KIF13A: variants seen among roughly 807,000 people sequenced by gnomAD.
The protein encoded by KIF13A is kinesin family member 13A.
In KIF13A, 79 loss-of-function variants were observed where a neutral mutation model predicts 212.2. The ratio of observed to expected loss-of-function variants is 0.37; its 90% confidence interval spans 0.31 to 0.45. The LOEUF (loss-of-function observed/expected upper bound fraction) is 0.45, where lower values mean the gene tolerates loss of function less well. Ranked by LOEUF, KIF13A falls within the 20% of genes least tolerant of loss-of-function variation. KIF13A has a pLI of 1.00. For missense variants in KIF13A, 1,901 were observed against 2,209.0 expected, an observed-to-expected ratio of 0.86 and a Z score of 2.79; for synonymous variants, 789 against 808.6, an observed-to-expected ratio of 0.98 and a Z score of 0.41.
intron 3 of KIF13A, among the ~76,000 whole-genome samples, chr6:17,893,895 A>G (rs577322238): frequency 7.8e-6 from 1 of 129,030 alleles, no homozygotes; most frequent in South Asian, 2.4e-4. Context: ...GCTGGAGTGC[A>G]GTGGCGCAAT....
At chr6:17,972,514 T>C (rs1358405785) in intron 2 of KIF13A, among the ~76,000 whole-genome samples, 3 of 152,222 alleles carry the variant, frequency 2.0e-5, no homozygotes, top group Non-Finnish European at 4.4e-5. Context: ...TATTAAACCC[T>C]AGAACAGAAT....
At position 17,786,999 on chromosome 6, in the gene KIF13A, A is replaced by G. The variant is rs1338713720; in HGVS notation, c.3361+777T>C. Among the ~76,000 whole-genome samples the G allele has an allele frequency of 6.6e-6, 1 of 152,172 alleles. No individual in the cohort carries two copies. Among genetic ancestry groups the G allele is most frequent in the Non-Finnish European group, 1.5e-5 (1 of 68,018 alleles). On this transcript the variant is annotated intron_variant, in intron 27 of 38. Coordinates refer to ENST00000259711, the MANE Select transcript of KIF13A (RefSeq NM_022113.6). The surrounding 1 kb of genome is among the most constrained non-coding windows in gnomAD (Gnocchi z 5.4). Reference sequence around the variant, plus strand: ...CAAGTGGCCACTGCTAGCATAAGCAAACTGCACCCTTGGAGCTGAGTGGCA... The same window carrying G: ...CAAGTGGCCACTGCTAGCATAAGCAGACTGCACCCTTGGAGCTGAGTGGCA...
intron 2 of KIF13A, among the ~76,000 whole-genome samples, chr6:17,913,109 A>T (rs1774213338): frequency 6.6e-6 from 1 of 151,528 alleles, no homozygotes; most frequent in African/African-American, 2.4e-5. Flanking sequence ...ATATATATAT[A>T]TTTATATATT....
In KIF13A at chr6:17,815,326, G is replaced by A. The variant is rs370761574; in HGVS notation, c.2000+1694C>T. ...GACAGGCCTCTGGATGGCTGCGGGC[G>A]GGCCTGACTCATGTCAGGCCTTCCA... On this transcript the variant is annotated intron_variant, in intron 17 of 38. Coordinates refer to ENST00000259711, the MANE Select transcript of KIF13A (RefSeq NM_022113.6). Among the ~76,000 whole-genome samples, 127 of 152,280 alleles carry A rather than the reference G, an allele frequency of 8.3e-4. 1 individual carries two copies. In the East Asian group the frequency reaches 0.021, roughly 25 times the overall value.
At chr6:17,804,586 G>A in intron 19 of KIF13A, 76 bp from the exon 20 acceptor site, 1 of 1,284,412 alleles carries the variant, frequency 7.8e-7, no homozygotes, top group Non-Finnish European at 1.0e-6. Flanking sequence ...TTTAAAACTA[G>A]CATTTGAAAA....
At chr6:17,913,271 T>TTCTA (rs1774230415) in intron 2 of KIF13A, among the ~76,000 whole-genome samples, 1 of 152,132 alleles carries the variant, frequency 6.6e-6, no homozygotes, top group Non-Finnish European at 1.5e-5. Flanking sequence ...TTCTGAAACA[T>TTCTA]TCTATGGGTT....
chr6:17,920,873 CAAAAAA>C (rs10707103), intron 2 of KIF13A, among the ~76,000 whole-genome samples: 1 of 135,114 alleles, frequency 7.4e-6, no homozygotes. Context: ...GACTATGTCT[CAAAAAA>C]AAAAAAAAAA....
chr6:17,957,193 T>C (rs550103135), intron 2 of KIF13A, among the ~76,000 whole-genome samples: 7 of 152,302 alleles, frequency 4.6e-5, no homozygotes, highest in African/African-American at 1.7e-4. Flanking sequence ...CACTTTTTTA[T>C]GCCATCCATA....
chr6:17,789,780 C>A lies in KIF13A; in HGVS notation c.3261+92G>T. 2.0e-6 allele frequency: 2 copies of A among 982,460 alleles called. No homozygotes were observed. The highest frequency in any genetic ancestry group is 3.1e-6 in the Non-Finnish European group (2 of 635,890). The allele number at this position is 982,460 out of a possible 1,614,324, so 60.9% of individuals were successfully genotyped here. On this transcript the variant is annotated intron_variant, in intron 26 of 38. Coordinates refer to ENST00000259711, the MANE Select transcript of KIF13A (RefSeq NM_022113.6). This position sits in a 1 kb window ranked among gnomAD's most constrained non-coding sequence, Gnocchi z 4.8. The stretch of plus-strand genomic sequence containing the variant: ...AAACTGCATATTCTCGCTCTAGGGC[C>A]CTCCTTCCTCCTCCCTGGCCTCTGC...
chr6:17,902,810 T>C (rs1415352766), intron 2 of KIF13A, among the ~76,000 whole-genome samples: 2 of 152,236 alleles, frequency 1.3e-5, no homozygotes, highest in Admixed American at 6.5e-5. Context: ...ATCTTTAAGA[T>C]GTAAACCCCT....
rs1281314343 is a variant in KIF13A, at chr6:17,769,435, G to C, written c.4581+1679C>G. Among the ~76,000 whole-genome samples the C allele has an allele frequency of 6.6e-6, 1 of 152,130 alleles. No homozygotes were observed. Among genetic ancestry groups the C allele is most frequent in the Non-Finnish European group, 1.5e-5 (1 of 68,034 alleles). ...CTTACTGTACTCCATGGTGCATTCA[G>C]TCACAGAGTCTAACTGCTGCTTGAG... On this transcript the variant is annotated intron_variant, in intron 38 of 38. Coordinates refer to ENST00000259711, the MANE Select transcript of KIF13A (RefSeq NM_022113.6). This position sits in a 1 kb window ranked among gnomAD's most constrained non-coding sequence, Gnocchi z 5.8.
At position 17,764,575 on chromosome 6, in the gene KIF13A, C is replaced by T. The variant is rs1398167471; in HGVS notation, c.4953G>A (p.Glu1651=). ...VHDFRPSSNK[E]LTEVEKGLVK... is the part of the protein sequence containing the mutation. ...CCAAGCCTTTTTCGACTTCTGTCAA[C>T]TCTTTGTTTGAGGACGGCCTGAAAT... Residue 1651 remains glutamate (E), a synonymous_variant, in exon 39 of 39, where the codon GAG becomes GAA. Transcript: ENST00000259711. This position sits in a 1 kb window ranked among gnomAD's most constrained non-coding sequence, Gnocchi z 5.1. 6.2e-7 allele frequency: 1 copy of T among 1,613,956 alleles called. No homozygotes were observed. Among genetic ancestry groups the T allele is most frequent in the Non-Finnish European group, 8.5e-7 (1 of 1,179,882 alleles).
intron 16 of KIF13A, among the ~76,000 whole-genome samples, chr6:17,822,361 T>C (rs1389026232): frequency 6.6e-6 from 1 of 152,148 alleles, no homozygotes; most frequent in African/African-American, 2.4e-5. Flanking sequence ...GACTTCAATA[T>C]GGACAAAATC....
intron 2 of KIF13A, among the ~76,000 whole-genome samples, chr6:17,913,237 G>C (rs1228455539): frequency 6.6e-6 from 1 of 152,078 alleles, no homozygotes; most frequent in African/African-American, 2.4e-5. Flanking sequence ...CAGGGAGCTG[G>C]AATGTAGCTG....
chr6:17,911,169 T>C (rs1774027236), intron 2 of KIF13A, among the ~76,000 whole-genome samples: 1 of 152,278 alleles, frequency 6.6e-6, no homozygotes, highest in East Asian at 1.9e-4. Flanking sequence ...GAAATTCTAA[T>C]GTTTTGAATT....
In KIF13A at chr6:17,878,274, T is replaced by C. The variant is rs73723306; in HGVS notation, c.160-4837A>G. ...GATGGAATAGCAGGTGCAAAGGCAC[T>C]GGGGCAGAGAGTGCCTGTGTGTTCA... On this transcript the variant is annotated intron_variant, in intron 3 of 38. Coordinates refer to ENST00000259711, the MANE Select transcript of KIF13A (RefSeq NM_022113.6). Among the ~76,000 whole-genome samples, 169 of 152,354 alleles carry C rather than the reference T, an allele frequency of 1.1e-3. 2 individuals carry two copies. Among genetic ancestry groups the C allele is most frequent in the African/African-American group, 3.6e-3 (148 of 41,572 alleles).
chr6:17,846,604 TAAA>T (rs11431431), intron 9 of KIF13A, among the ~76,000 whole-genome samples: 59,717 of 126,820 alleles, frequency 0.47, 13,566 homozygotes, highest in Admixed American at 0.55. Context: ...CCCATTTCTT[TAAA>T]AAAAAAAAAA....
At chr6:17,760,781 G>A, downstream of KIF13A, 1 of 1,456,142 alleles carries the variant, frequency 6.9e-7, no homozygotes, top group Non-Finnish European at 9.6e-7. Context: ...TTTTAGAGAT[G>A]GGGCTGGTGC....
chr6:17,948,618 A>G (rs145326564), intron 2 of KIF13A, among the ~76,000 whole-genome samples: 11 of 125,232 alleles, frequency 8.8e-5, no homozygotes, highest in African/African-American at 2.8e-4. Context: ...GCTGGACTGC[A>G]GCAGCGTGAT....
Sources: gnomAD v4.1 joint callset for allele counts (sites outside exome capture counted in the v4.1 genomes callset) on GRCh38, gnomAD v4.1.1 for gene constraint, Gnocchi (gnomAD v3.1) non-coding constraint, MANE v1.5 for transcripts, NCBI Gene and HGNC (gene_info 2026-07-23, HGNC 2026-07-21) for gene names.